The following SRSF11 variants were observed in gnomAD, a reference collection of about 807,000 sequenced individuals.
SRSF11 encodes the protein serine and arginine rich splicing factor 11, also known as serine/arginine-rich splicing factor 11.
In SRSF11, 9 loss-of-function variants were observed where a neutral mutation model predicts 56.0. The ratio of observed to expected loss-of-function variants is 0.16; its 90% CI spans 0.10 to 0.28. The LOEUF (loss-of-function observed/expected upper bound fraction) is 0.28. SRSF11 is among the 10% of genes least tolerant of loss of function. SRSF11 has a pLI of 1.00. For missense variants in SRSF11, 421 were observed against 600.7 expected (o/e 0.70, Z 3.13); for synonymous variants, 222 against 215.3 (o/e 1.03, Z -0.27).
intron 1 of SRSF11, among the ~76,000 whole-genome samples, chr1:70,208,703 A>G (rs772610375): frequency 2.3e-4 from 35 of 152,222 alleles, no homozygotes; most frequent in Non-Finnish European, 3.7e-4. Context: ...TACCTAATGC[A>G]ATAGAGAAAA....
intron 1 of SRSF11, among the ~76,000 whole-genome samples, chr1:70,223,104 A>G (rs1390307995): frequency 6.6e-6 from 1 of 152,214 alleles, no homozygotes; most frequent in African/African-American, 2.4e-5. Flanking sequence ...ACATACAAAA[A>G]TAGATGCTTT....
At chr1:70,239,210 C>T (rs1674770531) in intron 6 of SRSF11, among the ~76,000 whole-genome samples, 1 of 152,078 alleles carries the variant, frequency 6.6e-6, no homozygotes, top group Non-Finnish European at 1.5e-5. Context: ...CCCAGCTCAG[C>T]CTCCCCAAGT....
At chr1:70,230,536 C>T in intron 2 of SRSF11, 4 of 1,252,994 alleles carry the variant, frequency 3.2e-6, no homozygotes, top group African/African-American at 1.6e-5. Context: ...CTTTTTCTTT[C>T]ATTTCTACAC....
At chr1:70,224,972 G>C (rs1453211098) in intron 1 of SRSF11, among the ~76,000 whole-genome samples, 1 of 152,184 alleles carries the variant, frequency 6.6e-6, no homozygotes, top group Non-Finnish European at 1.5e-5. Flanking sequence ...ACAAGTTCGT[G>C]AACTGAAATT....
intron 7 of SRSF11, among the ~76,000 whole-genome samples, chr1:70,243,466 A>G (rs1285993817): frequency 6.6e-6 from 1 of 151,174 alleles, no homozygotes; most frequent in Non-Finnish European, 1.5e-5. Flanking sequence ...TAGACTCTAT[A>G]TACTGCATTT....
Position 70,228,773 on chromosome 1 carries a change from TA to T in SRSF11, c.337+222del, listed in dbSNP as rs1571730780. 3.3e-6 allele frequency: 4 copies of T among 1,204,044 alleles called. No individual in the cohort carries two copies. The East Asian group carries it at 1.5e-4, about 45-fold the overall frequency. The allele number at this position is 1,204,044 out of a possible 1,614,324, so 74.6% of individuals were successfully genotyped here. ...AAGGTATTTACCTTTTGTTTTCTTT[TA>T]AAACATTTTTAAGTTGTTTAAAACC... On this transcript the variant is annotated intron_variant, in intron 2 of 11. Coordinates refer to ENST00000370949, the MANE Select transcript of SRSF11 (RefSeq NM_001350605.2).
intron 1 of SRSF11, among the ~76,000 whole-genome samples, chr1:70,226,977 C>T (rs1420479904): frequency 1.3e-5 from 2 of 152,160 alleles, no homozygotes; most frequent in Non-Finnish European, 2.9e-5. Flanking sequence ...AACAAGGTGG[C>T]TTAACTTGCT....
At position 70,239,512 on chromosome 1, in the gene SRSF11, T is replaced by C. The variant is rs934595099; in HGVS notation, c.792T>C (p.Ser264=). 3 of 1,603,528 alleles carry C rather than the reference T, an allele frequency of 1.9e-6. No individual in the cohort carries two copies. The African/African-American group carries it at 4.1e-5, about 22-fold the overall frequency. The change falls in exon 7 of 12, where the codon TCT becomes TCC. Residue 264 remains serine, a synonymous_variant. Transcript: ENST00000370949. The part of the protein sequence containing the change: ...RSRRRRTPSS[S]RHRRSRSRSR... ...GGAGGAGGAGGACTCCCTCATCTTC[T>C]AGACACAGGTTAGATTGCTTTTTAG...
At chr1:70,215,663 T>C (rs1006145248) in intron 1 of SRSF11, among the ~76,000 whole-genome samples, 2 of 152,226 alleles carry the variant, frequency 1.3e-5, no homozygotes, top group Admixed American at 1.3e-4. Context: ...ATTGTGTTAA[T>C]TGGGAGGACT....
intron 1 of SRSF11, among the ~76,000 whole-genome samples, chr1:70,216,109 G>T (rs1030353958): frequency 1.3e-5 from 2 of 152,072 alleles, no homozygotes; most frequent in Non-Finnish European, 2.9e-5. Flanking sequence ...TTATCTAAAA[G>T]ACCTTCCATC....
chr1:70,232,449 A>G (rs2100751798), intron 3 of SRSF11, 72 bp downstream of exon 3: 1 of 1,169,322 alleles, frequency 8.6e-7, no homozygotes, highest in Non-Finnish European at 1.2e-6. Context: ...ACATATTTGA[A>G]CTTTGTAAGT....
chr1:70,226,327 A>G (rs138881062), intron 1 of SRSF11, among the ~76,000 whole-genome samples: 1 of 152,338 alleles, frequency 6.6e-6, no homozygotes, highest in East Asian at 1.9e-4. Flanking sequence ...TCTTATTCAC[A>G]GTATTCAAAT....
At chr1:70,248,204 A>G (rs576778830) in intron 9 of SRSF11, among the ~76,000 whole-genome samples, 2 of 152,216 alleles carry the variant, frequency 1.3e-5, no homozygotes, top group South Asian at 4.1e-4. Context: ...TCACAGAAAA[A>G]CTTTTATGTG....
chr1:70,242,928 TA>T (rs1199037914), intron 7 of SRSF11, among the ~76,000 whole-genome samples: 1 of 152,100 alleles, frequency 6.6e-6, no homozygotes, highest in African/African-American at 2.4e-5. Flanking sequence ...GAGCCTATGG[TA>T]GGGTAGTTAA....
At chr1:70,238,079 T>C (rs1394978001) in intron 6 of SRSF11, among the ~76,000 whole-genome samples, 4 of 152,224 alleles carry the variant, frequency 2.6e-5, no homozygotes, top group African/African-American at 9.6e-5. Context: ...GGATTTTCTT[T>C]CTTATAAATA....
chr1:70,212,396 AT>A (rs1669640996), intron 1 of SRSF11, among the ~76,000 whole-genome samples: 1 of 152,062 alleles, frequency 6.6e-6, no homozygotes, highest in Admixed American at 6.6e-5. Flanking sequence ...AGCTGGGATT[AT>A]AGGCACGCAC....
intron 1 of SRSF11, among the ~76,000 whole-genome samples, chr1:70,214,647 G>A (rs1669845740): frequency 1.3e-5 from 2 of 152,040 alleles, no homozygotes; most frequent in African/African-American, 2.4e-5. Flanking sequence ...AATAAACACA[G>A]GTAGACTTTT....
chr1:70,236,305 AT>A (rs945224704), intron 5 of SRSF11, among the ~76,000 whole-genome samples: 232 of 143,028 alleles, frequency 1.6e-3, no homozygotes, highest in African/African-American at 5.6e-3. Context: ...GTTGTCTATA[AT>A]TTTTTTTTCT....
intron 1 of SRSF11, among the ~76,000 whole-genome samples, chr1:70,208,622 G>A (rs182463373): frequency 1.3e-5 from 2 of 149,712 alleles, no homozygotes; most frequent in African/African-American, 4.9e-5. Flanking sequence ...ACAGGTGTGA[G>A]CCACCGCACC....
Sources: allele counts gnomAD v4.1 joint callset (sites outside exome capture counted in the v4.1 genomes callset), GRCh38; gene constraint gnomAD v4.1.1; transcripts MANE v1.5; gene names NCBI Gene and HGNC (gene_info 2026-07-23, HGNC 2026-07-21).